Variants in SH3RF3 observed in about 807,000 individuals in gnomAD.
The protein encoded by SH3RF3 is E3 ubiquitin-protein ligase SH3RF3.
SH3RF3 carries 29 observed loss-of-function variants against 66.3 expected under a neutral mutation model. That is an observed-to-expected ratio of 0.44 (90% CI 0.33 to 0.60). SH3RF3 has a LOEUF of 0.60. SH3RF3 is among the 20% of genes least tolerant of loss of function. The probability of loss-of-function intolerance (pLI) is 0.04; values close to 1 mark genes in which losing one functional copy is unlikely to be tolerated. For synonymous variants in SH3RF3, 583 were observed against 532.0 expected, an observed-to-expected ratio of 1.10 and a Z score of -1.32; for missense variants, 1,194 against 1,190.9, an observed-to-expected ratio of 1.00 and a Z score of -0.04.
intron 1 of SH3RF3, among the ~76,000 whole-genome samples, chr2:109,315,764 T>C (rs17035417): frequency 0.31 from 47,382 of 151,992 alleles, 9,143 homozygotes; most frequent in African/African-American, 0.55. Flanking sequence ...ACATTTAGAG[T>C]ATTCAGGTGA....
intron 1 of SH3RF3, among the ~76,000 whole-genome samples, chr2:109,286,432 A>G (rs980163357): frequency 6.6e-6 from 1 of 152,216 alleles, no homozygotes; most frequent in Non-Finnish European, 1.5e-5. Context: ...CATGGGGCTC[A>G]GGTCCTGTGG....
intron 9 of SH3RF3, among the ~76,000 whole-genome samples, chr2:109,500,495 CAG>C (rs1679361444): frequency 6.6e-6 from 1 of 152,132 alleles, no homozygotes; most frequent in Non-Finnish European, 1.5e-5. Flanking sequence ...GGTCTGAAGA[CAG>C]GGACTCCAAA....
intron 8 of SH3RF3, among the ~76,000 whole-genome samples, chr2:109,471,559 A>G (rs1678510178): frequency 6.6e-6 from 1 of 152,210 alleles, no homozygotes; most frequent in Non-Finnish European, 1.5e-5. Context: ...CACAGAGCCA[A>G]ACCATATCAG....
intron 1 of SH3RF3, among the ~76,000 whole-genome samples, chr2:109,291,964 C>T (rs1204765752): frequency 3.9e-5 from 6 of 152,196 alleles, no homozygotes; most frequent in African/African-American, 9.6e-5. Flanking sequence ...CTCAAGTTCA[C>T]GCCATTCTTA....
At chr2:109,471,846 ACT>A (rs1559101498) in intron 8 of SH3RF3, among the ~76,000 whole-genome samples, 1 of 151,792 alleles carries the variant, frequency 6.6e-6, no homozygotes, top group African/African-American at 2.4e-5. Flanking sequence ...CTTTTTCCAC[ACT>A]CTATTTGCTG....
chr2:109,206,587 T>C (rs1283509968), intron 1 of SH3RF3, among the ~76,000 whole-genome samples: 3 of 148,312 alleles, frequency 2.0e-5, no homozygotes, highest in Non-Finnish European at 4.4e-5. Flanking sequence ...GGAGGGAGGA[T>C]AGCTTGAGGC....
chr2:109,202,954 G>T (rs181292778), intron 1 of SH3RF3, among the ~76,000 whole-genome samples: 23 of 152,366 alleles, frequency 1.5e-4, no homozygotes, highest in Admixed American at 4.6e-4. Flanking sequence ...CACAATGGGA[G>T]CTGGTCTTGT....
chr2:109,261,021 G>A (rs1558988050), intron 1 of SH3RF3, among the ~76,000 whole-genome samples: 1 of 152,182 alleles, frequency 6.6e-6, no homozygotes, highest in Non-Finnish European at 1.5e-5. Context: ...CCTTTAGAGG[G>A]CACTGTGTCT....
chr2:109,297,142 C>A (rs1458970800), intron 1 of SH3RF3, among the ~76,000 whole-genome samples: 1 of 151,900 alleles, frequency 6.6e-6, no homozygotes, highest in Non-Finnish European at 1.5e-5. Context: ...GCTGTGGGGG[C>A]AGTGAGCTAG....
intron 1 of SH3RF3, among the ~76,000 whole-genome samples, chr2:109,240,861 C>G (rs1236260776): frequency 6.6e-6 from 1 of 150,424 alleles, no homozygotes; most frequent in Non-Finnish European, 1.5e-5. Context: ...CACCCCTGCC[C>G]TTGGGAACTT....
At chr2:109,453,270 G>A (rs1481569930) in intron 8 of SH3RF3, among the ~76,000 whole-genome samples, 1 of 152,198 alleles carries the variant, frequency 6.6e-6, no homozygotes, top group African/African-American at 2.4e-5. Flanking sequence ...ATTGCTCCCT[G>A]CAGGGGCTGC....
At chr2:109,249,509 CATTCTTTCTT>C (rs780299157) in intron 1 of SH3RF3, among the ~76,000 whole-genome samples, 7,856 of 64,080 alleles carry the variant, frequency 0.12, 397 homozygotes, top group Admixed American at 0.15. Context: ...TTCTTTCTTT[CATTCTTTCTT>C]TTTCTTTCTT....
chr2:109,382,145 T>C (rs1270297514), intron 3 of SH3RF3, among the ~76,000 whole-genome samples: 2 of 152,228 alleles, frequency 1.3e-5, no homozygotes, highest in African/African-American at 4.8e-5. Flanking sequence ...CAGAGGGGTC[T>C]GATAGCACCT....
rs147759526 is a variant in SH3RF3 at position 109,138,176 on chromosome 2, C to T, written c.573+8063C>T. On this transcript the variant is annotated intron_variant, in intron 1 of 9. Transcript: ENST00000309415. Reference sequence around the variant, plus strand: ...GACTATAGGCGAGCACCACCACGCCCGGCTAACGCCCGGCTAATTTTTTAA... The same window carrying T: ...GACTATAGGCGAGCACCACCACGCCTGGCTAACGCCCGGCTAATTTTTTAA... Among the ~76,000 whole-genome samples the T allele has an allele frequency of 9.4e-4, 143 of 152,270 alleles. 1 individual carries two copies. The highest frequency in any genetic ancestry group is 3.4e-3 in the Middle Eastern group (1 of 294).
intron 4 of SH3RF3, among the ~76,000 whole-genome samples, chr2:109,403,606 C>T (rs994231193): frequency 2.6e-5 from 4 of 152,248 alleles, no homozygotes; most frequent in African/African-American, 9.6e-5. Flanking sequence ...CAGCAGGTCC[C>T]TGCGGTGCTC....
intron 1 of SH3RF3, among the ~76,000 whole-genome samples, chr2:109,297,931 T>C (rs2061721422): frequency 6.7e-6 from 1 of 149,114 alleles, no homozygotes; most frequent in African/African-American, 2.5e-5. Context: ...AGATGTGTGT[T>C]CCCCCCCCAC....
intron 1 of SH3RF3, among the ~76,000 whole-genome samples, chr2:109,187,122 A>G (rs1574493037): frequency 6.7e-6 from 1 of 149,804 alleles, no homozygotes; most frequent in Non-Finnish European, 1.5e-5. Flanking sequence ...CCAGAGCCAC[A>G]GGGTGAGGGA....
At chr2:109,326,282 T>C (rs1472706700) in intron 1 of SH3RF3, among the ~76,000 whole-genome samples, 5 of 152,222 alleles carry the variant, frequency 3.3e-5, no homozygotes, top group Non-Finnish European at 7.3e-5. Context: ...TTTTATGTAG[T>C]GTACAGTTTT....
intron 1 of SH3RF3, among the ~76,000 whole-genome samples, chr2:109,242,695 A>G (rs911342140): frequency 6.6e-6 from 1 of 152,148 alleles, no homozygotes; most frequent in African/African-American, 2.4e-5. Flanking sequence ...GTCAGGACAC[A>G]TTTCGTGAGC....
Sources: gnomAD v4.1 joint callset for allele counts (sites outside exome capture counted in the v4.1 genomes callset) on GRCh38, gnomAD v4.1.1 for gene constraint, MANE v1.5 for transcripts, NCBI Gene and HGNC (gene_info 2026-07-23, HGNC 2026-07-21) for gene names.